The following TSPAN33 variants were observed in gnomAD, a reference collection of about 807,000 sequenced individuals.
TSPAN33 encodes the protein tetraspanin 33.
A neutral mutation model predicts 34.8 loss-of-function variants in TSPAN33; 27 were observed. The ratio of observed to expected loss-of-function variants is 0.78; its 90% CI spans 0.57 to 1.07. TSPAN33 has a LOEUF of 1.07. Ranked by LOEUF, TSPAN33 falls within the 50% of genes least tolerant of loss-of-function variation. The probability of loss-of-function intolerance (pLI) is 0.00; values close to 1 mark genes in which losing one functional copy is unlikely to be tolerated. For missense variants in TSPAN33, 272 were observed against 324.9 expected (o/e 0.84, Z 1.25); for synonymous variants, 119 against 124.2 (o/e 0.96, Z 0.28).
intron 1 of TSPAN33, among the ~76,000 whole-genome samples, chr7:129,146,992 T>C (rs898554749): frequency 6.6e-6 from 1 of 151,260 alleles, no homozygotes; most frequent in African/African-American, 2.4e-5. Context: ...ACCCCCCTTT[T>C]ATCGGACAAA....
rs1438525352 is a variant in TSPAN33 at position 129,167,509 on chromosome 7, C to T, written c.699C>T (p.His233=). The stretch of plus-strand genomic sequence containing the variant: ...TTGACAAGTTGGTCAACTGGATACA[C>T]AGCAACCTATTCTTACTTGGTGGTG... The part of the protein sequence containing the change: ...GCIDKLVNWI[H]SNLFLLGGVA... The change falls in exon 7 of 8, where the codon CAC becomes CAT. Residue 233 remains histidine, a synonymous_variant. Transcript: ENST00000486685. The surrounding 1 kb of genome is among the most constrained non-coding windows in gnomAD (Gnocchi z 4.6). 6.2e-7 allele frequency: 1 copy of T among 1,614,210 alleles called. No homozygotes were observed. The highest frequency in any genetic ancestry group is 8.5e-7 in the Non-Finnish European group (1 of 1,180,038).
chr7:129,148,756 A>G lies in TSPAN33; in HGVS notation c.102+3674A>G, dbSNP rs1810553247. ...GATTTTCTCACTTCCACTGCCACAT[A>G]TATGCACCCTTGTCCAGGTCTTCCC... On this transcript the variant is annotated intron_variant, in intron 1 of 7. Coordinates refer to ENST00000486685, the MANE Select transcript of TSPAN33 (RefSeq NM_178562.5). This position sits in a 1 kb window ranked among gnomAD's most constrained non-coding sequence, Gnocchi z 4.2. Among the ~76,000 whole-genome samples, 1 of 152,134 alleles carries G rather than the reference A, an allele frequency of 6.6e-6. No homozygotes were observed.
At position 129,168,082 on chromosome 7, in the gene TSPAN33, C is replaced by A; in HGVS notation, c.*208C>A. ...ATGCGCCTCCTCTCCCCCATCCCAGCCCTCAGCATTGTGCCAGAGTGATAC... is the reference window on the plus strand; with the variant it reads ...ATGCGCCTCCTCTCCCCCATCCCAGACCTCAGCATTGTGCCAGAGTGATAC... On this transcript the variant is annotated 3_prime_UTR_variant, in exon 8 of 8. Transcript: ENST00000486685. 9.9e-7 allele frequency: 1 copy of A among 1,014,350 alleles called. No homozygotes were observed. Among genetic ancestry groups the A allele is most frequent in the Non-Finnish European group, 1.4e-6 (1 of 721,050 alleles). The allele number at this position is 1,014,350 out of a possible 1,614,324, so 62.8% of individuals were successfully genotyped here. A position where few individuals can be genotyped will look rare whatever the true frequency, so the allele number is the denominator to read the frequency against.
At chr7:129,147,824 A>G (rs1810541816) in intron 1 of TSPAN33, among the ~76,000 whole-genome samples, 1 of 152,168 alleles carries the variant, frequency 6.6e-6, no homozygotes, top group Admixed American at 6.5e-5. Context: ...TTGCTCTAGA[A>G]GCCCTGACTC....
chr7:129,169,345 G>A lies in TSPAN33; in HGVS notation c.*1471G>A, dbSNP rs112656637. 2.0e-5 allele frequency: 3 copies of A among 152,276 alleles called. No homozygotes were observed. Among genetic ancestry groups the A allele is most frequent in the Admixed American group, 6.5e-5 (1 of 15,310 alleles). 9.4% of individuals were successfully genotyped at this position (152,276 alleles called of 1,614,324 possible). A position where few individuals can be genotyped will look rare whatever the true frequency, so the allele number is the denominator to read the frequency against. On this transcript the variant is annotated 3_prime_UTR_variant, in exon 8 of 8. Transcript: ENST00000486685. ...CGTCCGGGGCGGGGCGCTGGACTTC[G>A]TGGGTGGTCCCCGCCCCCGCGGCGG... is the stretch of plus-strand genomic sequence containing the variant.
rs984163898 is a variant in TSPAN33, at chr7:129,169,264, C to G, written c.*1390C>G. Among the ~76,000 whole-genome samples, 5 of 152,096 alleles carry G rather than the reference C, an allele frequency of 3.3e-5. No homozygotes were observed. Among genetic ancestry groups the G allele is most frequent in the Non-Finnish European group, 5.9e-5 (4 of 68,002 alleles). On this transcript the variant is annotated 3_prime_UTR_variant, in exon 8 of 8. Coordinates refer to ENST00000486685, the MANE Select transcript of TSPAN33 (RefSeq NM_178562.5). ...GGGAGGACTCCGAGGAAGCTCGGCG[C>G]GGTGCGCTGGGCCTCCTGGCGCCGG...
chr7:129,149,549 G>A (rs143628734), intron 1 of TSPAN33, among the ~76,000 whole-genome samples: 240 of 152,008 alleles, frequency 1.6e-3, no homozygotes, highest in African/African-American at 5.6e-3. Context: ...GTGAAACTCC[G>A]TCTCAAAAAA....
At chr7:129,151,481 T>C (rs901123670) in intron 1 of TSPAN33, among the ~76,000 whole-genome samples, 3 of 152,066 alleles carry the variant, frequency 2.0e-5, no homozygotes, top group Admixed American at 6.6e-5. Context: ...TGCCTGTAAT[T>C]ATTGGCATTT....
rs576981038 is a variant in TSPAN33 at position 129,159,860 on chromosome 7, T to C, written c.103-1819T>C. ...CACTTTGGGCCCTGAGTTAGAGGCA[T>C]GGTCAAATGATGTGAGGTGGGAAGA... On this transcript the variant is annotated intron_variant, in intron 1 of 7. Transcript: ENST00000486685. Among the ~76,000 whole-genome samples, 326 of 152,226 alleles carry C rather than the reference T, an allele frequency of 2.1e-3. 2 individuals are homozygous for C. The highest frequency in any genetic ancestry group is 7.2e-3 in the African/African-American group (299 of 41,526).
At chr7:129,152,437 T>C (rs1277342976) in intron 1 of TSPAN33, among the ~76,000 whole-genome samples, 1 of 152,136 alleles carries the variant, frequency 6.6e-6, no homozygotes, top group African/African-American at 2.4e-5. Context: ...CTCATGCCTG[T>C]AATCTTTTGG....
At chr7:129,157,540 C>G (rs1466967575) in intron 1 of TSPAN33, among the ~76,000 whole-genome samples, 1 of 152,094 alleles carries the variant, frequency 6.6e-6, no homozygotes. Context: ...GCTGATTATT[C>G]TTTAGGCTTG....
chr7:129,164,312 G>A (rs1250791406), intron 4 of TSPAN33, among the ~76,000 whole-genome samples, 162 bp from the exon 5 acceptor site: 1 of 152,134 alleles, frequency 6.6e-6, no homozygotes, highest in Non-Finnish European at 1.5e-5. Flanking sequence ...CCCTGGGATG[G>A]GCTTTGGAAC....
intron 1 of TSPAN33, among the ~76,000 whole-genome samples, chr7:129,151,555 C>T (rs1171989923): frequency 6.6e-6 from 1 of 152,078 alleles, no homozygotes; most frequent in African/African-American, 2.4e-5. Context: ...GCAACCTTTC[C>T]TCTCCTATTA....
chr7:129,149,445 C>T (rs1169281424), intron 1 of TSPAN33, among the ~76,000 whole-genome samples: 2 of 152,094 alleles, frequency 1.3e-5, no homozygotes, highest in Non-Finnish European at 2.9e-5. Flanking sequence ...GTATTCCCAG[C>T]TACTTCGGAG....
At chr7:129,159,475 G>C (rs1292595737) in intron 1 of TSPAN33, among the ~76,000 whole-genome samples, 1 of 152,206 alleles carries the variant, frequency 6.6e-6, no homozygotes, top group African/African-American at 2.4e-5. Context: ...GATTTAATCA[G>C]ATACCATCTT....
intron 1 of TSPAN33, among the ~76,000 whole-genome samples, chr7:129,160,742 T>C (rs1021499387): frequency 5.3e-5 from 8 of 152,220 alleles, no homozygotes; most frequent in African/African-American, 1.4e-4. Context: ...TGACATGATA[T>C]TGACCTCTAA....
chr7:129,145,033 T>A lies in TSPAN33; in HGVS notation c.53T>A (p.Val18Asp). Residue 18 changes from valine (V) to aspartate (D), a missense_variant, in exon 1 of 8, where the codon GTC becomes GAC. Val to Asp is a radical substitution (Grantham distance 152). Coordinates refer to ENST00000486685, the MANE Select transcript of TSPAN33 (RefSeq NM_178562.5). ...PAASGEEFSFVSPLVKYLLFF... is the reference protein window; with the variant it reads ...PAASGEEFSFDSPLVKYLLFF... ...GCCTCCGGGGAGGAGTTCTCCTTCG[T>A]CAGCCCGCTGGTGAAATACCTGCTC... is the stretch of plus-strand genomic sequence containing the variant. 1.4e-6 allele frequency: 1 copy of A among 727,404 alleles called. No individual in the cohort carries two copies. The highest frequency in any genetic ancestry group is 2.9e-5 in the East Asian group (1 of 34,836). 45.1% of individuals were successfully genotyped at this position (727,404 alleles called of 1,614,324 possible).
At chr7:129,145,512 G>A (rs1335145683) in intron 1 of TSPAN33, among the ~76,000 whole-genome samples, 1 of 152,038 alleles carries the variant, frequency 6.6e-6, no homozygotes, top group Admixed American at 6.5e-5. Flanking sequence ...CAGAGAGGAT[G>A]GGTTACTGGC....
chr7:129,157,440 A>G (rs570186591), intron 1 of TSPAN33, among the ~76,000 whole-genome samples: 37 of 152,262 alleles, frequency 2.4e-4, no homozygotes, highest in African/African-American at 8.7e-4. Flanking sequence ...GGGGAGAGAT[A>G]TCATTAGTGA....
Sources: allele counts gnomAD v4.1 joint callset (sites outside exome capture counted in the v4.1 genomes callset), GRCh38; gene constraint gnomAD v4.1.1; non-coding constraint Gnocchi (gnomAD v3.1); transcripts MANE v1.5; gene names NCBI Gene and HGNC (gene_info 2026-07-23, HGNC 2026-07-21).